Variants in GSDMB observed in about 807,000 individuals in gnomAD.
GSDMB encodes the protein gasdermin-B.
GSDMB carries 32 observed loss-of-function variants against 42.9 expected under a neutral mutation model. That is an observed-to-expected ratio of 0.75 (90% confidence interval 0.56 to 1.00). The LOEUF is 1.00. GSDMB is among the 50% of genes least tolerant of loss of function. The probability of loss-of-function intolerance (pLI) is 0.00; values close to 1 mark genes in which losing one functional copy is unlikely to be tolerated. For synonymous variants in GSDMB, 175 were observed against 193.7 expected (o/e 0.90, Z 0.80); for missense variants, 468 against 498.5 (o/e 0.94, Z 0.58).
intron 6 of GSDMB, among the ~76,000 whole-genome samples, 165 bp downstream of exon 6, chr17:39,908,011 C>A (rs1418697477): frequency 2.6e-5 from 4 of 152,206 alleles, no homozygotes; most frequent in Admixed American, 2.6e-4. Context: ...GATGTGCAAT[C>A]CAGACTCTTC....
At chr17:39,911,323 CA>C (rs373759080) in intron 3 of GSDMB, among the ~76,000 whole-genome samples, 112 of 116,454 alleles carry the variant, frequency 9.6e-4, no homozygotes, top group Admixed American at 1.3e-3. Flanking sequence ...AACTCCATCT[CA>C]AAAAAAAAAA....
chr17:39,911,368 A>ACCTTG (rs2063605461), intron 3 of GSDMB, among the ~76,000 whole-genome samples: 1 of 150,644 alleles, frequency 6.6e-6, no homozygotes, highest in South Asian at 2.1e-4. Context: ...TACCCGCTCC[A>ACCTTG]CTCAAGGAGA....
intron 3 of GSDMB, 141 bp downstream of exon 3, chr17:39,912,185 C>A (rs1220471265): frequency 8.0e-6 from 5 of 622,288 alleles, no homozygotes; most frequent in African/African-American, 1.9e-5. Flanking sequence ...GAGCCAGTCC[C>A]CCACAAAGCT....
At chr17:39,912,067 T>C (rs2063619948) in intron 3 of GSDMB, among the ~76,000 whole-genome samples, 1 of 151,874 alleles carries the variant, frequency 6.6e-6, no homozygotes, top group Non-Finnish European at 1.5e-5. Context: ...TGGAGACTGC[T>C]CCTGGGTGAA....
chr17:39,907,238 G>T, intron 6 of GSDMB: 3 of 1,318,812 alleles, frequency 2.3e-6, no homozygotes, highest in South Asian at 1.8e-5. Flanking sequence ...GCCCAGAAAG[G>T]GGGCAGCATA....
chr17:39,908,339 A>C (rs1195778020), intron 5 of GSDMB, 125 bp from the exon 6 acceptor site: 1 of 587,340 alleles, frequency 1.7e-6, no homozygotes, highest in East Asian at 3.0e-5. Flanking sequence ...AAAAAAAAAA[A>C]AAAAGACAAC....
chr17:39,915,856 C>T (rs983442858), intron 2 of GSDMB, among the ~76,000 whole-genome samples: 1 of 152,078 alleles, frequency 6.6e-6, no homozygotes, highest in Non-Finnish European at 1.5e-5. Flanking sequence ...AGCTCTTTTC[C>T]GTCTCTTGGC....
At position 39,914,840 on chromosome 17, in the gene GSDMB, T is replaced by TTG. The variant is rs551420369; in HGVS notation, c.235+2241_235+2242insCA. On this transcript the variant is annotated intron_variant, in intron 2 of 10. Coordinates refer to ENST00000418519, the MANE Select transcript of GSDMB (RefSeq NM_001165958.2). Reference sequence around the variant, plus strand: ...CACAAAATCCTATGCACACTTTTTTTTTTGTTTTTTTTTGAGACGGAGTCT... The same window carrying TTG: ...CACAAAATCCTATGCACACTTTTTTTTGTTTGTTTTTTTTTGAGACGGAGTCT... Among the ~76,000 whole-genome samples, 456 of 151,212 alleles carry TTG rather than the reference T, an allele frequency of 3.0e-3. 2 individuals carry two copies. The highest frequency in any genetic ancestry group is 5.3e-3 in the African/African-American group (216 of 41,106).
At chr17:39,912,871 T>G (rs2063637486) in intron 2 of GSDMB, among the ~76,000 whole-genome samples, 2 of 152,172 alleles carry the variant, frequency 1.3e-5, no homozygotes, top group South Asian at 4.1e-4. Context: ...TTTGGGAGGC[T>G]GTGGCAGGCA....
chr17:39,916,677 G>A (rs141229077), intron 2 of GSDMB, among the ~76,000 whole-genome samples: 6 of 152,230 alleles, frequency 3.9e-5, no homozygotes, highest in African/African-American at 9.6e-5. Flanking sequence ...CAAAGGTTAC[G>A]CAGCTGATAA....
At chr17:39,910,286 T>A (rs2063584881) in intron 3 of GSDMB, among the ~76,000 whole-genome samples, 1 of 152,138 alleles carries the variant, frequency 6.6e-6, no homozygotes, top group Admixed American at 6.6e-5. Context: ...ACTGCACCAT[T>A]GCACTCCAGC....
At chr17:39,905,154 A>G (rs1156466975) in intron 10 of GSDMB, 190 bp from the exon 11 acceptor site, 6 of 618,062 alleles carry the variant, frequency 9.7e-6, no homozygotes, top group South Asian at 1.9e-5. Flanking sequence ...GTCAGTCTGC[A>G]TGGGAACTCA....
intron 2 of GSDMB, among the ~76,000 whole-genome samples, chr17:39,916,280 ATTT>A (rs3076832): frequency 2.5e-5 from 3 of 119,108 alleles, no homozygotes; most frequent in African/African-American, 6.6e-5. Context: ...TTCTCATTTG[ATTT>A]TTTTTTTTTT....
At position 39,906,717 on chromosome 17, in the gene GSDMB, G is replaced by A; in HGVS notation, c.727+244C>T. The A allele has an allele frequency of 2.4e-6, 3 of 1,247,394 alleles. No homozygotes were observed. In the East Asian group the frequency reaches 8.4e-5, roughly 35 times the overall value. The allele number at this position is 1,247,394 out of a possible 1,614,324, so 77.3% of individuals were successfully genotyped here. ...CCCCCACAATTAAGTCAGAGTTTCT[G>A]GAGACGGGACTCAGTCGTCACTAGT... On this transcript the variant is annotated intron_variant, in intron 7 of 10. Coordinates refer to ENST00000418519, the MANE Select transcript of GSDMB (RefSeq NM_001165958.2).
intron 6 of GSDMB, 65 bp downstream of exon 6, chr17:39,908,111 A>G: frequency 1.1e-6 from 1 of 948,548 alleles, no homozygotes; most frequent in Non-Finnish European, 1.7e-6. Flanking sequence ...CTGTAATTCC[A>G]TTTTTAAAAA....
chr17:39,908,832 C>T, intron 5 of GSDMB, 126 bp downstream of exon 5: 1 of 708,070 alleles, frequency 1.4e-6, no homozygotes, highest in Non-Finnish European at 2.5e-6. Context: ...TTTCCCTGGA[C>T]CCCTCCCCAA....
At chr17:39,908,343 A>T in intron 5 of GSDMB, 129 bp from the exon 6 acceptor site, 1 of 551,944 alleles carries the variant, frequency 1.8e-6, no homozygotes, top group Non-Finnish European at 3.3e-6. Flanking sequence ...AAAAAAAAAA[A>T]GACAACTGTT....
intron 2 of GSDMB, among the ~76,000 whole-genome samples, chr17:39,916,447 T>C (rs1267545218): frequency 6.6e-6 from 1 of 151,726 alleles, no homozygotes; most frequent in East Asian, 1.9e-4. Context: ...CACGCCTGGC[T>C]AATTTTTTGT....
At chr17:39,907,279 C>T in intron 6 of GSDMB, 1 of 1,016,498 alleles carries the variant, frequency 9.8e-7, no homozygotes, top group East Asian at 4.6e-5. Context: ...TTGGGTCAGA[C>T]TTCTCTATCC....
Sources: allele counts gnomAD v4.1 joint callset (sites outside exome capture counted in the v4.1 genomes callset), GRCh38; gene constraint gnomAD v4.1.1; transcripts MANE v1.5; gene names NCBI Gene and HGNC (gene_info 2026-07-23, HGNC 2026-07-21).